Variants in HDAC9 observed in about 807,000 individuals in gnomAD.
The protein encoded by HDAC9 is MEF-2 interacting transcription repressor (MITR) protein.
In HDAC9, 41 loss-of-function variants were observed where a neutral mutation model predicts 139.4. That is an observed-to-expected ratio of 0.29 (90% CI 0.23 to 0.38). The LOEUF (loss-of-function observed/expected upper bound fraction) is 0.38. Ranked by LOEUF, HDAC9 falls within the 10% of genes least tolerant of loss-of-function variation. HDAC9 has a pLI of 1.00. For synonymous variants in HDAC9, 517 were observed against 476.2 expected (o/e 1.09, Z -1.12); for missense variants, 1,147 against 1,297.0 (o/e 0.88, Z 1.78).
chr7:18,729,577 G>A (rs1785854371), intron 13 of HDAC9, among the ~76,000 whole-genome samples: 1 of 152,094 alleles, frequency 6.6e-6, no homozygotes, highest in African/African-American at 2.4e-5. Flanking sequence ...GACCTTAGAA[G>A]AATCCAGATG....
In HDAC9 at chr7:18,784,770, T is replaced by C. The variant is rs1245475830; in HGVS notation, c.2215-8575T>C. 3.3e-5 allele frequency among the ~76,000 whole-genome samples: 5 copies of C among 152,076 alleles called. No individual in the cohort carries two copies. In the East Asian group the frequency reaches 9.7e-4, roughly 29 times the overall value. ...CAAAGATAGTGAACAATTAGAAGGG[T>C]GGGTTACTCAGAATCAGTGCCCACA... On this transcript the variant is annotated intron_variant, in intron 16 of 25. Transcript: ENST00000686413.
At chr7:18,377,264 C>T (rs1459366691) in intron 1 of HDAC9, among the ~76,000 whole-genome samples, 2 of 152,012 alleles carry the variant, frequency 1.3e-5, no homozygotes, top group African/African-American at 4.8e-5. Flanking sequence ...AGGGTAGAGC[C>T]ATGGATGATT....
intron 25 of HDAC9, among the ~76,000 whole-genome samples, chr7:18,982,430 T>G (rs1367267412): frequency 1.3e-5 from 2 of 152,120 alleles, no homozygotes; most frequent in Non-Finnish European, 1.5e-5. Context: ...AATTCCTGCC[T>G]TACTTCTAAC....
At chr7:18,408,109 A>G (rs940007927) in intron 1 of HDAC9, among the ~76,000 whole-genome samples, 2 of 152,164 alleles carry the variant, frequency 1.3e-5, no homozygotes, top group South Asian at 2.1e-4. Context: ...TTGGTACTCA[A>G]TAAGTGTTAA....
intron 3 of HDAC9, among the ~76,000 whole-genome samples, chr7:18,586,206 T>C (rs1396479559): frequency 2.0e-5 from 3 of 152,090 alleles, no homozygotes; most frequent in African/African-American, 7.2e-5. Context: ...TTTTTAATAA[T>C]AACTTATTTT....
Position 18,133,772 on chromosome 7 carries a change from C to T in HDAC9, c.-96-28457C>T, listed in dbSNP as rs56670511. Among the ~76,000 whole-genome samples the T allele has an allele frequency of 4.4e-3, 674 of 152,100 alleles. 4 individuals are homozygous for T. Among genetic ancestry groups the T allele is most frequent in the African/African-American group, 0.015 (632 of 41,484 alleles). Reference sequence around the variant, plus strand: ...AGCAACATGTTTCTGTAAATGCTTTCGTGTCGCTTACTCAGAGAAACACCA... The same window carrying T: ...AGCAACATGTTTCTGTAAATGCTTTTGTGTCGCTTACTCAGAGAAACACCA... On this transcript the variant is annotated intron_variant, in intron 1 of 12. Coordinates refer to the HDAC9 transcript ENST00000417496.
intron 17 of HDAC9, among the ~76,000 whole-genome samples, chr7:18,828,075 A>G (rs1458012052): frequency 6.6e-6 from 1 of 152,180 alleles, no homozygotes; most frequent in Admixed American, 6.5e-5. Context: ...AACAAAATAT[A>G]TAGCAAATTA....
chr7:18,089,278 T>C (rs2128056119), intron 1 of HDAC9, among the ~76,000 whole-genome samples: 2 of 152,278 alleles, frequency 1.3e-5, no homozygotes, highest in East Asian at 1.9e-4. Context: ...CTGGCCTTTA[T>C]TGGAGAGTCA....
intron 1 of HDAC9, among the ~76,000 whole-genome samples, chr7:18,303,377 G>T (rs1379772315): frequency 2.5e-5 from 1 of 39,896 alleles, no homozygotes; most frequent in African/African-American, 1.4e-4. Context: ...CAGCCAATTT[G>T]TGTGTGTGTG....
In HDAC9 at chr7:18,998,408, A is replaced by G. The variant is rs995588085; in HGVS notation, c.*2346A>G. On this transcript the variant is annotated 3_prime_UTR_variant, in exon 26 of 26. Transcript: ENST00000686413. ...AACTTGACACATTAATGAGTTAATC[A>G]CACATACTCCCATATGACACCATAC... 2.0e-5 allele frequency: 3 copies of G among 152,220 alleles called. No individual in the cohort carries two copies. Among genetic ancestry groups the G allele is most frequent in the African/African-American group, 7.2e-5 (3 of 41,462 alleles). The allele number at this position is 152,220 out of a possible 1,614,324, so 9.4% of individuals were successfully genotyped here. A position where few individuals can be genotyped will look rare whatever the true frequency, so the allele number is the denominator to read the frequency against.
chr7:18,651,005 C>T (rs1789079910), intron 11 of HDAC9, among the ~76,000 whole-genome samples: 1 of 152,084 alleles, frequency 6.6e-6, no homozygotes, highest in Admixed American at 6.6e-5. Flanking sequence ...AGAGAGGAAG[C>T]TTATTAAAGA....
intron 13 of HDAC9, among the ~76,000 whole-genome samples, chr7:18,734,198 A>G (rs1250534752): frequency 6.6e-6 from 1 of 152,076 alleles, no homozygotes; most frequent in East Asian, 1.9e-4. Flanking sequence ...AAAACTTTTC[A>G]TCATTATTAT....
chr7:18,417,315 T>C (rs1049763784), intron 1 of HDAC9, among the ~76,000 whole-genome samples: 1 of 152,344 alleles, frequency 6.6e-6, no homozygotes, highest in South Asian at 2.1e-4. Flanking sequence ...ACTTAACGTT[T>C]TAAACATGTA....
chr7:18,640,357 TAAAAA>T (rs56655676), intron 8 of HDAC9, among the ~76,000 whole-genome samples: 5 of 66,080 alleles, frequency 7.6e-5, no homozygotes, highest in Non-Finnish European at 8.6e-5. Context: ...GATCCTGTCT[TAAAAA>T]AAAAAAAAAA....
chr7:18,931,243 T>A (rs1279882822), intron 22 of HDAC9, among the ~76,000 whole-genome samples: 4 of 152,148 alleles, frequency 2.6e-5, no homozygotes, highest in Non-Finnish European at 5.9e-5. Flanking sequence ...GCATTAGGGA[T>A]CAAAATTTTG....
At chr7:18,850,679 A>C (rs1016581804) in intron 21 of HDAC9, among the ~76,000 whole-genome samples, 1 of 152,190 alleles carries the variant, frequency 6.6e-6, no homozygotes, top group Non-Finnish European at 1.5e-5. Flanking sequence ...AACCGAGTGC[A>C]TTCCTGTCTT....
chr7:18,696,212 A>T (rs909178207), intron 12 of HDAC9, among the ~76,000 whole-genome samples: 2 of 151,868 alleles, frequency 1.3e-5, no homozygotes, highest in African/African-American at 4.8e-5. Context: ...ATAGACGTTT[A>T]ATTCAAACTA....
rs1018881223 is a variant in HDAC9 at position 18,751,405 on chromosome 7, G to A, written c.2043+2267G>A. The stretch of plus-strand genomic sequence containing the variant: ...AAACATGGCAACAATGCAAATAGAA[G>A]CCACTTTTCCTAACATAGTTTGATG... On this transcript the variant is annotated intron_variant, in intron 14 of 25. Coordinates refer to ENST00000686413, the MANE Select transcript of HDAC9 (RefSeq NM_178425.4). Among the ~76,000 whole-genome samples the A allele has an allele frequency of 3.3e-5, 5 of 152,148 alleles. No homozygotes were observed. The East Asian group carries it at 9.7e-4, about 29-fold the overall frequency.
intron 1 of HDAC9, among the ~76,000 whole-genome samples, chr7:18,155,069 C>A (rs778994409): frequency 7.7e-5 from 11 of 143,394 alleles, no homozygotes; most frequent in Non-Finnish European, 1.5e-4. Context: ...GTAGACAAAG[C>A]TTTTTTTCTT....
Sources: allele counts gnomAD v4.1 joint callset (sites outside exome capture counted in the v4.1 genomes callset), GRCh38; gene constraint gnomAD v4.1.1; transcripts MANE v1.5; gene names NCBI Gene and HGNC (gene_info 2026-07-23, HGNC 2026-07-21).